The following BCL2L15 variants were observed in gnomAD, a reference collection of about 807,000 sequenced individuals.
BCL2L15 encodes BCL2 like 15.
BCL2L15 carries 15 observed loss-of-function variants against 18.3 expected under a neutral mutation model. The ratio of observed to expected loss-of-function variants is 0.82; its 90% CI spans 0.55 to 1.26. BCL2L15 has a LOEUF of 1.26. BCL2L15 is among the 50% of genes most tolerant of loss of function. The pLI, the probability that BCL2L15 is intolerant of heterozygous loss-of-function variation, is 0.00. For synonymous variants in BCL2L15, 58 were observed against 68.5 expected (o/e 0.85, Z 0.76); for missense variants, 180 against 201.7 (o/e 0.89, Z 0.65).
rs1468015126 is a variant in BCL2L15 at position 113,878,145 on chromosome 1, T to G, written c.*2978A>C. 1.3e-5 allele frequency: 2 copies of G among 152,278 alleles called. No individual in the cohort carries two copies. Among genetic ancestry groups the G allele is most frequent in the Admixed American group, 1.3e-4 (2 of 15,286 alleles). The allele number at this position is 152,278 out of a possible 1,614,324, so 9.4% of individuals were successfully genotyped here. On this transcript the variant is annotated 3_prime_UTR_variant, in exon 4 of 4. Coordinates refer to ENST00000393316, the MANE Select transcript of BCL2L15 (RefSeq NM_001010922.3). ...TCCAAATTGCTAATGGCACAGTGTT[T>G]AAAATATTCCAAGTACTCACCCTTT...
At chr1:113,881,731 A>C (rs1558069930) in intron 3 of BCL2L15, 42 bp downstream of exon 3, 1 of 1,588,006 alleles carries the variant, frequency 6.3e-7, no homozygotes. Flanking sequence ...GTACAAAAAC[A>C]GTGCAAATAC....
chr1:113,883,065 G>A (rs1666927316), intron 2 of BCL2L15, among the ~76,000 whole-genome samples: 2 of 152,042 alleles, frequency 1.3e-5, no homozygotes, highest in African/African-American at 4.8e-5. Context: ...GTCCAAGCAA[G>A]ATCTGTGGGG....
intron 2 of BCL2L15, among the ~76,000 whole-genome samples, chr1:113,885,973 C>T (rs533040557): frequency 2.6e-5 from 4 of 151,366 alleles, no homozygotes; most frequent in African/African-American, 4.8e-5. Flanking sequence ...TTTGGGAGGC[C>T]GAGGTGAGTG....
At chr1:113,886,463 A>G in intron 2 of BCL2L15, 74 bp downstream of exon 2, 1 of 1,437,758 alleles carries the variant, frequency 7.0e-7, no homozygotes, top group South Asian at 1.3e-5. Flanking sequence ...TCACTGTAGT[A>G]TGGGAGTAGT....
rs573945024 is a variant in BCL2L15 at position 113,887,135 on chromosome 1, T to C, written c.127+114A>G. 8.5e-5 allele frequency: 79 copies of C among 934,716 alleles called. No individual in the cohort carries two copies. The African/African-American group carries it at 1.3e-3, about 15-fold the overall frequency. 57.9% of individuals were successfully genotyped at this position (934,716 alleles called of 1,614,324 possible). On this transcript the variant is annotated intron_variant, in intron 1 of 3. Coordinates refer to ENST00000393316, the MANE Select transcript of BCL2L15 (RefSeq NM_001010922.3). Reference sequence around the variant, plus strand: ...CGGATCTCAAACCCCTGACTTCAGGTGATCCACCCACCTTGGCCTCCCAAA... The same window carrying C: ...CGGATCTCAAACCCCTGACTTCAGGCGATCCACCCACCTTGGCCTCCCAAA...
intron 2 of BCL2L15, among the ~76,000 whole-genome samples, chr1:113,886,080 G>A (rs1378252708): frequency 1.3e-5 from 2 of 151,800 alleles, no homozygotes; most frequent in Non-Finnish European, 2.9e-5. Context: ...GATGGGCATG[G>A]TAGCACTTGC....
Position 113,880,957 on chromosome 1 carries a change from C to A in BCL2L15, c.*166G>T. ...AACCAACTCTGCAGGCCTCTGGCAG[C>A]TGCTCCCAACTTTAACAATCAGTAA... is the stretch of plus-strand genomic sequence containing the variant. On this transcript the variant is annotated 3_prime_UTR_variant, in exon 4 of 4. Transcript: ENST00000393316. The A allele has an allele frequency of 1.1e-6, 1 of 934,936 alleles. No homozygotes were observed. The allele number at this position is 934,936 out of a possible 1,614,324, so 57.9% of individuals were successfully genotyped here.
chr1:113,883,583 G>A (rs1209274313), intron 2 of BCL2L15, among the ~76,000 whole-genome samples: 4 of 149,210 alleles, frequency 2.7e-5, no homozygotes, highest in East Asian at 2.0e-4. Flanking sequence ...CGACCAGCCT[G>A]AGCAACATGG....
rs200731954 is a variant in BCL2L15 at position 113,887,342 on chromosome 1, C to G, written c.34G>C (p.Glu12Gln). 2 of 1,614,158 alleles carry G rather than the reference C, an allele frequency of 1.2e-6. No individual in the cohort carries two copies. The highest frequency in any genetic ancestry group is 3.3e-5 in the Admixed American group (2 of 60,028). The change falls in exon 1 of 4, where the codon GAA becomes CAA. Residue 12 changes from glutamate (E) to glutamine (Q), a missense_variant. Glu to Gln is a conservative substitution (Grantham distance 29, BLOSUM62 2). Coordinates refer to ENST00000393316, the MANE Select transcript of BCL2L15 (RefSeq NM_001010922.3). ...ATGAGTAGAGTGTTCACAATGCATTCCGTTTGTTCCTCAAAAGTTTGGGAG... is the reference window on the plus strand; with the variant it reads ...ATGAGTAGAGTGTTCACAATGCATTGCGTTTGTTCCTCAAAAGTTTGGGAG... ...KSSQTFEEQT[E>Q]CIVNTLLMDF...
chr1:113,885,295 A>G (rs1416853962), intron 2 of BCL2L15, among the ~76,000 whole-genome samples: 1 of 152,074 alleles, frequency 6.6e-6, no homozygotes, highest in Non-Finnish European at 1.5e-5. Flanking sequence ...AAGTCAACTC[A>G]GCTATCAACT....
At position 113,887,368 on chromosome 1, in the gene BCL2L15, C is replaced by T. The variant is rs1270488950; in HGVS notation, c.8G>A (p.Ser3Asn). 6.2e-7 allele frequency: 1 copy of T among 1,614,070 alleles called. No individual in the cohort carries two copies. The change falls in exon 1 of 4, where the codon AGC (serine) becomes AAC (asparagine). Residue 3 changes from serine (S) to asparagine (N), a missense_variant. Transcript: ENST00000393316. MK[S>N]SQTFEEQTEC... ...CGTTTGTTCCTCAAAAGTTTGGGAG[C>T]TCTTCATTTTAGATGTTTGCTGTCA...
intron 2 of BCL2L15, among the ~76,000 whole-genome samples, chr1:113,885,320 C>T (rs1373532729): frequency 6.6e-6 from 1 of 152,124 alleles, no homozygotes; most frequent in African/African-American, 2.4e-5. Flanking sequence ...AGGACAGCCT[C>T]AGGGCAAGCA....
intron 3 of BCL2L15, chr1:113,881,487 C>A (rs955406592): frequency 1.5e-6 from 2 of 1,347,896 alleles, no homozygotes; most frequent in Admixed American, 3.3e-5. Flanking sequence ...AGAACTCTAT[C>A]ATGAATATAC....
At position 113,881,841 on chromosome 1, in the gene BCL2L15, T is replaced by C; in HGVS notation, c.406A>G (p.Ile136Val). The C allele has an allele frequency of 6.2e-7, 1 of 1,614,194 alleles. No individual in the cohort carries two copies. Among genetic ancestry groups the C allele is most frequent in the South Asian group, 1.1e-5 (1 of 91,080 alleles). ...CCATTGATCATACCCGTCATGGGGA[T>C]AGCCACCTGTCCCACTACTTCAGGA... ...IAPEVVGQVA[I>V]PMTGMINGNQ... The change falls in exon 3 of 4, where the codon ATC becomes GTC. Residue 136 changes from isoleucine to valine, a missense_variant. Coordinates refer to ENST00000393316, the MANE Select transcript of BCL2L15 (RefSeq NM_001010922.3).
rs578227767 is a variant in BCL2L15 at position 113,878,193 on chromosome 1, ATC to A, written c.*2928_*2929del. 85 of 152,352 alleles carry A rather than the reference ATC, an allele frequency of 5.6e-4. No homozygotes were observed. Among genetic ancestry groups the A allele is most frequent in the African/African-American group, 1.9e-3 (81 of 41,582 alleles). 9.4% of individuals were successfully genotyped at this position (152,352 alleles called of 1,614,324 possible). A position where few individuals can be genotyped will look rare whatever the true frequency, so the allele number is the denominator to read the frequency against. ...TTTACAAAATGTATTTGTTTTATTT[ATC>A]TCTCACAAAAATCTTATTAATAAGT... On this transcript the variant is annotated 3_prime_UTR_variant, in exon 4 of 4. Coordinates refer to ENST00000393316, the MANE Select transcript of BCL2L15 (RefSeq NM_001010922.3).
In BCL2L15 at chr1:113,887,261, C is replaced by T. The variant is rs889980536; in HGVS notation, c.115G>A (p.Glu39Lys). The T allele has an allele frequency of 1.2e-6, 2 of 1,613,724 alleles. No homozygotes were observed. Among genetic ancestry groups the T allele is most frequent in the Non-Finnish European group, 1.7e-6 (2 of 1,179,850 alleles). The stretch of plus-strand genomic sequence containing the variant: ...GCAGGAACCTTACCTGAATCTACTT[C>T]ATCTACACAGCATAGGTTCCGGCTG... Reference protein sequence around the residue: ...VASRNLCCVDEVDSGEPCSFD... With the variant: ...VASRNLCCVDKVDSGEPCSFD... The change falls in exon 1 of 4, where the codon GAA becomes AAA. Residue 39 changes from glutamate to lysine, a missense_variant. Coordinates refer to ENST00000393316, the MANE Select transcript of BCL2L15 (RefSeq NM_001010922.3).
Position 113,879,911 on chromosome 1 carries a change from T to C in BCL2L15, c.*1212A>G, listed in dbSNP as rs1416781308. On this transcript the variant is annotated 3_prime_UTR_variant, in exon 4 of 4. Coordinates refer to ENST00000393316, the MANE Select transcript of BCL2L15 (RefSeq NM_001010922.3). ...TTGTAATTTATCAATCTATTCTCTA[T>C]AGTGATGGCTGTCACACTCTATATG... 2 of 152,196 alleles carry C rather than the reference T, an allele frequency of 1.3e-5. No homozygotes were observed. The highest frequency in any genetic ancestry group is 3.8e-4 in the East Asian group (2 of 5,202). The allele number at this position is 152,196 out of a possible 1,614,324, so 9.4% of individuals were successfully genotyped here.
In BCL2L15 at chr1:113,881,780, C is replaced by T. The variant is rs1199048007; in HGVS notation, c.467G>A (p.Gly156Glu). 1 of 1,613,786 alleles carries T rather than the reference C, an allele frequency of 6.2e-7. No individual in the cohort carries two copies. Among genetic ancestry groups the T allele is most frequent in the Non-Finnish European group, 8.5e-7 (1 of 1,179,824 alleles). ...QAIREFIQGQ[G>E]GWENLES ...GAGCCCCAACAAACTTACCCAACCT[C>T]CCTGGCCCTGGATGAACTCCCGGAT... is the stretch of plus-strand genomic sequence containing the variant. Residue 156 changes from glycine to glutamate, a missense_variant, in exon 3 of 4, where the codon GGA (glycine) becomes GAA (glutamate). By Grantham distance (98) the Gly-to-Glu change is moderately conservative. Coordinates refer to ENST00000393316, the MANE Select transcript of BCL2L15 (RefSeq NM_001010922.3).
At chr1:113,881,401 T>A in intron 3 of BCL2L15, 1 of 1,186,668 alleles carries the variant, frequency 8.4e-7, no homozygotes, top group Non-Finnish European at 1.1e-6. Context: ...CTGACTTCCC[T>A]AACACACACA....
Sources: allele counts gnomAD v4.1 joint callset (sites outside exome capture counted in the v4.1 genomes callset), GRCh38; gene constraint gnomAD v4.1.1; transcripts MANE v1.5; gene names NCBI Gene and HGNC (gene_info 2026-07-23, HGNC 2026-07-21).